Variants in GRIA2 observed in about 807,000 individuals in gnomAD.
GRIA2 encodes glutamate ionotropic receptor AMPA type subunit 2.
GRIA2 carries 14 observed loss-of-function variants against 97.3 expected under a neutral mutation model. The ratio of observed to expected loss-of-function variants is 0.14; its 90% CI spans 0.10 to 0.23. GRIA2 has a LOEUF of 0.23. Among genes scored for constraint, GRIA2 ranks in the 10% least tolerant of loss-of-function variants. The probability of loss-of-function intolerance (pLI) is 1.00; values close to 1 mark genes in which losing one functional copy is unlikely to be tolerated. For synonymous variants in GRIA2, 412 were observed against 387.8 expected, an observed-to-expected ratio of 1.06 and a Z score of -0.73; for missense variants, 558 against 1,069.8, an observed-to-expected ratio of 0.52 and a Z score of 6.67.
At chr4:157,278,745 T>C (rs1560744059) in intron 2 of GRIA2, among the ~76,000 whole-genome samples, 1 of 151,726 alleles carries the variant, frequency 6.6e-6, no homozygotes, top group Non-Finnish European at 1.5e-5. Flanking sequence ...ATCTAAAATA[T>C]GCAAAGAACT....
rs992949740 is a variant in GRIA2, at chr4:157,365,724, CAA to C, written c.*2294_*2295del. The stretch of plus-strand genomic sequence containing the variant: ...TGCATATAAGTGAAAAGTGGTCAAA[CAA>C]GAGTGATGACAGCTGTCTAAAGGTT... On this transcript the variant is annotated 3_prime_UTR_variant, in exon 16 of 16. Transcript: ENST00000264426. 1 of 151,752 alleles carries C rather than the reference CAA, an allele frequency of 6.6e-6. No homozygotes were observed. Among genetic ancestry groups the C allele is most frequent in the African/African-American group, 2.4e-5 (1 of 41,318 alleles). The allele number at this position is 151,752 out of a possible 1,614,324, so 9.4% of individuals were successfully genotyped here. A position where few individuals can be genotyped will look rare whatever the true frequency, so the allele number is the denominator to read the frequency against.
At chr4:157,315,131 T>C (rs1217744281) in intron 4 of GRIA2, among the ~76,000 whole-genome samples, 1 of 152,204 alleles carries the variant, frequency 6.6e-6, no homozygotes, top group Non-Finnish European at 1.5e-5. Flanking sequence ...TCCCTGAGTG[T>C]CTAATGTTTG....
intron 6 of GRIA2, among the ~76,000 whole-genome samples, chr4:157,324,857 T>C (rs966283234): frequency 1.3e-5 from 2 of 152,132 alleles, no homozygotes; most frequent in Non-Finnish European, 2.9e-5. Context: ...AAGAATATAG[T>C]CTCAATATAT....
intron 2 of GRIA2, among the ~76,000 whole-genome samples, chr4:157,297,450 G>A (rs1733400223): frequency 6.6e-6 from 1 of 152,088 alleles, no homozygotes; most frequent in Non-Finnish European, 1.5e-5. Context: ...GAGACTCATA[G>A]GGCCAACACT....
intron 2 of GRIA2, among the ~76,000 whole-genome samples, chr4:157,268,440 T>C (rs1401166099): frequency 6.6e-6 from 1 of 152,036 alleles, no homozygotes; most frequent in Non-Finnish European, 1.5e-5. Context: ...CTCAGTTTTC[T>C]TATAGTGAAA....
chr4:157,279,894 G>A (rs1244072993), intron 2 of GRIA2, among the ~76,000 whole-genome samples: 1 of 152,140 alleles, frequency 6.6e-6, no homozygotes, highest in African/African-American at 2.4e-5. Flanking sequence ...GGAGGCCAAG[G>A]CGGGTGGATC....
At chr4:157,338,406 A>G (rs569146799) in intron 11 of GRIA2, among the ~76,000 whole-genome samples, 1 of 152,116 alleles carries the variant, frequency 6.6e-6, no homozygotes, top group Admixed American at 6.6e-5. Flanking sequence ...GCGCCTGGGC[A>G]TGATGGCACT....
chr4:157,251,987 T>C (rs917945047), intron 2 of GRIA2, among the ~76,000 whole-genome samples: 18 of 152,156 alleles, frequency 1.2e-4, no homozygotes, highest in African/African-American at 4.3e-4. Flanking sequence ...TTTTCCACTT[T>C]GTTGCTTTTG....
intron 8 of GRIA2, 26 bp from the exon 9 acceptor site, chr4:157,333,984 C>A: frequency 9.5e-7 from 1 of 1,052,306 alleles, no homozygotes; most frequent in Non-Finnish European, 1.5e-6. Context: ...TTTATCCATA[C>A]ACCTGTCTGC....
At chr4:157,316,541 G>C (rs551358322) in intron 4 of GRIA2, among the ~76,000 whole-genome samples, 4 of 152,020 alleles carry the variant, frequency 2.6e-5, no homozygotes, top group African/African-American at 4.8e-5. Context: ...ATAAGGCAAA[G>C]GATATAGTGG....
At chr4:157,266,379 C>T (rs1731769953) in intron 2 of GRIA2, among the ~76,000 whole-genome samples, 1 of 151,966 alleles carries the variant, frequency 6.6e-6, no homozygotes, top group Admixed American at 6.6e-5. Flanking sequence ...TGATGGTCAA[C>T]AGAGTAGGTG....
intron 12 of GRIA2, among the ~76,000 whole-genome samples, chr4:157,355,331 C>T (rs1010503095): frequency 6.6e-6 from 1 of 151,834 alleles, no homozygotes; most frequent in Non-Finnish European, 1.5e-5. Context: ...AGTTCAAGAC[C>T]AGCCTGGCCA....
intron 2 of GRIA2, among the ~76,000 whole-genome samples, chr4:157,278,510 A>G (rs918655236): frequency 6.6e-6 from 1 of 152,030 alleles, no homozygotes; most frequent in Non-Finnish European, 1.5e-5. Flanking sequence ...GCACAAAACT[A>G]TAAATTCCTA....
intron 2 of GRIA2, among the ~76,000 whole-genome samples, chr4:157,297,946 G>A (rs1409321416): frequency 6.6e-6 from 1 of 151,796 alleles, no homozygotes; most frequent in Non-Finnish European, 1.5e-5. Context: ...GTAAATAAAG[G>A]ATGACAGCTA....
At position 157,355,801 on chromosome 4, in the gene GRIA2, T is replaced by C. The variant is rs1687777094; in HGVS notation, c.2044-4095T>C. Among the ~76,000 whole-genome samples the C allele has an allele frequency of 7.0e-5, 7 of 100,034 alleles. No individual in the cohort carries two copies. In the South Asian group the frequency reaches 2.3e-3, roughly 34 times the overall value. 65.6% of individuals were successfully genotyped at this position (100,034 alleles called of 152,430 possible). A position where few individuals can be genotyped will look rare whatever the true frequency, so the allele number is the denominator to read the frequency against. On this transcript the variant is annotated intron_variant, in intron 12 of 15. Transcript: ENST00000264426. ...TATATTTATATATATTAGTTATATA[T>C]ATTTATATATTAGTTATATATATTT...
chr4:157,343,432 A>T (rs1735632868), intron 12 of GRIA2, among the ~76,000 whole-genome samples: 1 of 152,022 alleles, frequency 6.6e-6, no homozygotes, highest in Non-Finnish European at 1.5e-5. Flanking sequence ...TTCTTTCCAT[A>T]CACTATTTTT....
intron 2 of GRIA2, among the ~76,000 whole-genome samples, chr4:157,231,109 G>A (rs750954989): frequency 2.0e-5 from 3 of 151,670 alleles, no homozygotes; most frequent in Admixed American, 6.6e-5. Flanking sequence ...TTGCAGTCTC[G>A]GCCCACTGCA....
chr4:157,313,071 A>C (rs779832832), intron 4 of GRIA2, among the ~76,000 whole-genome samples, 196 bp downstream of exon 4: 5 of 152,184 alleles, frequency 3.3e-5, no homozygotes, highest in Non-Finnish European at 7.4e-5. Flanking sequence ...TAATGCTGGC[A>C]CATCATGTTA....
At chr4:157,220,152 G>T (rs1729422522), upstream of GRIA2, 1 of 152,258 alleles carries the variant, frequency 6.6e-6, no homozygotes, top group South Asian at 2.1e-4. Flanking sequence ...CAGGTGAGGA[G>T]GATGACAGGG....
Sources: gnomAD v4.1 joint callset for allele counts (sites outside exome capture counted in the v4.1 genomes callset) on GRCh38, gnomAD v4.1.1 for gene constraint, MANE v1.5 for transcripts, NCBI Gene and HGNC (gene_info 2026-07-23, HGNC 2026-07-21) for gene names.